Variants in ZNF385B observed in about 807,000 individuals in gnomAD.
ZNF385B encodes the protein zinc finger protein 385B.
A neutral mutation model predicts 39.2 loss-of-function variants in ZNF385B; 23 were observed. The ratio of observed to expected loss-of-function variants is 0.59; its 90% CI spans 0.42 to 0.83. The LOEUF is 0.83. ZNF385B is among the 40% of genes least tolerant of loss of function. The pLI, the probability that ZNF385B is intolerant of heterozygous loss-of-function variation, is 0.00. For synonymous variants in ZNF385B, 205 were observed against 222.6 expected, an observed-to-expected ratio of 0.92 and a Z score of 0.70; for missense variants, 552 against 598.9, an observed-to-expected ratio of 0.92 and a Z score of 0.82.
intron 3 of ZNF385B, among the ~76,000 whole-genome samples, chr2:179,696,592 T>G (rs72958961): frequency 0.33 from 49,858 of 151,722 alleles, 8,538 homozygotes; most frequent in Non-Finnish European, 0.38. Context: ...CCATGCACAG[T>G]AGCCCCTAGG....
Position 179,752,843 on chromosome 2 carries a change from A to C in ZNF385B, c.298+16660T>G, listed in dbSNP as rs540708333. ...AGATTCTGGATATTAGCCCTTTGTC[A>C]GATGAGTAGATTGCAAAAATTTTCT... On this transcript the variant is annotated intron_variant, in intron 3 of 9. Coordinates refer to ENST00000410066, the MANE Select transcript of ZNF385B (RefSeq NM_152520.6). Among the ~76,000 whole-genome samples the C allele has an allele frequency of 4.6e-5, 7 of 152,198 alleles. No homozygotes were observed. The South Asian group carries it at 1.2e-3, about 27-fold the overall frequency.
Position 179,588,569 on chromosome 2 carries a change from T to G in ZNF385B, c.299-43600A>C, listed in dbSNP as rs181202871. Among the ~76,000 whole-genome samples the G allele has an allele frequency of 1.2e-4, 19 of 152,164 alleles. No homozygotes were observed. In the East Asian group the frequency reaches 3.7e-3, roughly 29 times the overall value. ...CACTTACCCACCATGATTGCTAAAATCATTTTCCAACTTAGACTCTCTCTC... is the reference window on the plus strand; with the variant it reads ...CACTTACCCACCATGATTGCTAAAAGCATTTTCCAACTTAGACTCTCTCTC... On this transcript the variant is annotated intron_variant, in intron 3 of 9. Transcript: ENST00000410066.
intron 6 of ZNF385B, among the ~76,000 whole-genome samples, chr2:179,472,628 A>G (rs1053938632): frequency 2.6e-5 from 4 of 152,236 alleles, no homozygotes; most frequent in East Asian, 3.8e-4. Context: ...TTACCAAAAA[A>G]TTGTTTACCA....
intron 1 of ZNF385B, among the ~76,000 whole-genome samples, chr2:179,812,055 T>G (rs1381384071): frequency 2.6e-5 from 4 of 152,030 alleles, no homozygotes; most frequent in Non-Finnish European, 4.4e-5. Context: ...ATATCACTAA[T>G]CATCAGAGAA....
intron 6 of ZNF385B, among the ~76,000 whole-genome samples, chr2:179,466,252 T>G (rs2105494634): frequency 6.6e-6 from 1 of 152,336 alleles, no homozygotes; most frequent in Admixed American, 6.5e-5. Flanking sequence ...TCTAGTATTT[T>G]GATGTTTGAT....
Position 179,483,451 on chromosome 2 carries a change from A to G in ZNF385B, c.553-17T>C. The G allele has an allele frequency of 6.2e-7, 1 of 1,613,322 alleles. No homozygotes were observed. Among genetic ancestry groups the G allele is most frequent in the Non-Finnish European group, 8.5e-7 (1 of 1,179,530 alleles). On this transcript the variant is annotated splice_polypyrimidine_tract_variant and intron_variant, in intron 5 of 9. Coordinates refer to ENST00000410066, the MANE Select transcript of ZNF385B (RefSeq NM_152520.6). ...GGCCTGGCTCTACAAAGGAGAACAA[A>G]TCAGGCTCATTTTTTTGCTAATTAC...
At chr2:179,764,218 C>T (rs914401267) in intron 3 of ZNF385B, among the ~76,000 whole-genome samples, 1 of 152,046 alleles carries the variant, frequency 6.6e-6, no homozygotes, top group Non-Finnish European at 1.5e-5. Flanking sequence ...TTACTCTGTC[C>T]CTAGTAAATT....
chr2:179,444,035 G>C (rs529835197), intron 9 of ZNF385B, among the ~76,000 whole-genome samples: 28 of 152,338 alleles, frequency 1.8e-4, no homozygotes, highest in Non-Finnish European at 3.5e-4. Flanking sequence ...GAGAATGATT[G>C]TAAGTGGGTA....
chr2:179,633,066 C>T (rs1209221046), intron 3 of ZNF385B, among the ~76,000 whole-genome samples: 1 of 152,074 alleles, frequency 6.6e-6, no homozygotes, highest in African/African-American at 2.4e-5. Flanking sequence ...AATTGATAGC[C>T]TACCAACTAA....
chr2:179,531,607 C>T (rs902519741), intron 4 of ZNF385B, among the ~76,000 whole-genome samples: 27 of 152,016 alleles, frequency 1.8e-4, no homozygotes, highest in African/African-American at 6.5e-4. Context: ...TGCACTCCAG[C>T]CTGGGTGACA....
At chr2:179,703,922 A>T (rs909814345) in intron 3 of ZNF385B, among the ~76,000 whole-genome samples, 1 of 152,208 alleles carries the variant, frequency 6.6e-6, no homozygotes, top group African/African-American at 2.4e-5. Context: ...AGGTGTATTG[A>T]GAAATCAGGC....
chr2:179,451,263 AAAAG>A (rs1005214647), intron 6 of ZNF385B, among the ~76,000 whole-genome samples: 7 of 151,740 alleles, frequency 4.6e-5, no homozygotes, highest in East Asian at 1.9e-4. Flanking sequence ...AAAAAAAAAA[AAAAG>A]AAAGAAAATG....
chr2:179,751,921 A>G (rs1702701417), intron 3 of ZNF385B, among the ~76,000 whole-genome samples: 1 of 151,910 alleles, frequency 6.6e-6, no homozygotes, highest in Admixed American at 6.6e-5. Flanking sequence ...TAATTTATTT[A>G]CTAATTGAAT....
At chr2:179,675,441 A>G (rs757050958) in intron 3 of ZNF385B, among the ~76,000 whole-genome samples, 7 of 152,172 alleles carry the variant, frequency 4.6e-5, no homozygotes, top group Non-Finnish European at 8.8e-5. Context: ...TAGTTCAATA[A>G]TCGGGTCTTT....
At chr2:179,694,147 T>C (rs1460297470) in intron 3 of ZNF385B, among the ~76,000 whole-genome samples, 1 of 152,238 alleles carries the variant, frequency 6.6e-6, no homozygotes, top group Non-Finnish European at 1.5e-5. Context: ...AACAGGAGTT[T>C]ACCACATGCC....
chr2:179,492,814 C>G (rs922556168), intron 5 of ZNF385B, among the ~76,000 whole-genome samples: 1 of 151,854 alleles, frequency 6.6e-6, no homozygotes, highest in Non-Finnish European at 1.5e-5. Context: ...TAACAGATAC[C>G]TTCAAAACAC....
chr2:179,610,796 G>T (rs527347492), intron 3 of ZNF385B, among the ~76,000 whole-genome samples: 2 of 151,948 alleles, frequency 1.3e-5, no homozygotes, highest in East Asian at 1.9e-4. Context: ...TATTTAATTT[G>T]TAGCCATTGT....
At chr2:179,608,495 A>C (rs1410784143) in intron 3 of ZNF385B, among the ~76,000 whole-genome samples, 1 of 152,180 alleles carries the variant, frequency 6.6e-6, no homozygotes, top group Non-Finnish European at 1.5e-5. Context: ...CATAGCCAGC[A>C]CAATATTTCA....
intron 3 of ZNF385B, 45 bp from the exon 4 acceptor site, chr2:179,545,014 C>G: frequency 6.2e-7 from 1 of 1,611,898 alleles, no homozygotes; most frequent in Non-Finnish European, 8.5e-7. Flanking sequence ...TTGCTCACAT[C>G]CATCTCCCTC....
Sources: allele counts gnomAD v4.1 joint callset (sites outside exome capture counted in the v4.1 genomes callset), GRCh38; gene constraint gnomAD v4.1.1; transcripts MANE v1.5; gene names NCBI Gene and HGNC (gene_info 2026-07-23, HGNC 2026-07-21).